Variants in TRIM25 observed in about 807,000 individuals in gnomAD.
TRIM25 encodes the protein E3 ubiquitin/ISG15 ligase TRIM25.
A neutral mutation model predicts 65.2 loss-of-function variants in TRIM25; 45 were observed. That is an observed-to-expected ratio of 0.69 (90% CI 0.54 to 0.89). TRIM25 has a LOEUF of 0.89. TRIM25 is among the 40% of genes least tolerant of loss of function. The pLI is 0.00. For synonymous variants in TRIM25, 321 were observed against 340.4 expected, an observed-to-expected ratio of 0.94 and a Z score of 0.63; for missense variants, 714 against 803.7, an observed-to-expected ratio of 0.89 and a Z score of 1.35.
In TRIM25 at chr17:56,891,566, C is replaced by A; in HGVS notation, c.*134G>T. On this transcript the variant is annotated 3_prime_UTR_variant, in exon 9 of 9. Coordinates refer to ENST00000316881, the MANE Select transcript of TRIM25 (RefSeq NM_005082.5). ...CTGGCTAAATCCCACCTCCCACCCT[C>A]CCGCCAGCTCCCCTCCCATGCTCCC... 10 of 496,578 alleles carry A rather than the reference C, an allele frequency of 2.0e-5. No individual in the cohort carries two copies. The highest frequency in any genetic ancestry group is 3.1e-5 in the Non-Finnish European group (9 of 291,832). 30.8% of individuals were successfully genotyped at this position (496,578 alleles called of 1,614,324 possible).
intron 4 of TRIM25, among the ~76,000 whole-genome samples, chr17:56,899,678 A>G (rs1231712095): frequency 6.6e-6 from 1 of 152,218 alleles, no homozygotes; most frequent in Non-Finnish European, 1.5e-5. Context: ...CCCTTCTGCA[A>G]GGACACTCGG....
intron 2 of TRIM25, 59 bp downstream of exon 2, chr17:56,908,409 G>C (rs758513202): frequency 6.5e-7 from 1 of 1,543,808 alleles, no homozygotes. Context: ...CGCCCATCCC[G>C]CGTGGAAGCT....
intron 8 of TRIM25, among the ~76,000 whole-genome samples, chr17:56,893,521 AT>A (rs1272863133): frequency 6.6e-6 from 1 of 152,180 alleles, no homozygotes; most frequent in Non-Finnish European, 1.5e-5. Context: ...GGACCCACAG[AT>A]CCCCACCAAG....
At chr17:56,901,364 AC>A (rs1422665602) in intron 4 of TRIM25, 54 bp downstream of exon 4, 23 of 1,567,936 alleles carry the variant, frequency 1.5e-5, no homozygotes, top group Middle Eastern at 2.3e-4. Context: ...CATTTAGGGG[AC>A]CCATCGGGTT....
At chr17:56,903,100 T>C (rs1389290939) in intron 3 of TRIM25, among the ~76,000 whole-genome samples, 2 of 152,186 alleles carry the variant, frequency 1.3e-5, no homozygotes, top group Non-Finnish European at 2.9e-5. Context: ...ACCTCTTTTC[T>C]TTATAAATTA....
At chr17:56,896,163 A>G (rs1909288820) in intron 5 of TRIM25, among the ~76,000 whole-genome samples, 1 of 152,232 alleles carries the variant, frequency 6.6e-6, no homozygotes, top group Non-Finnish European at 1.5e-5. Context: ...AATAAGGAGC[A>G]TGAAGGAATT....
chr17:56,910,398 G>A (rs1239497166), intron 1 of TRIM25, among the ~76,000 whole-genome samples: 1 of 152,180 alleles, frequency 6.6e-6, no homozygotes, highest in East Asian at 1.9e-4. Context: ...CTGTGACACT[G>A]CCCTTCGACC....
chr17:56,895,765 T>C, intron 6 of TRIM25, 161 bp from the exon 7 acceptor site: 2 of 1,183,388 alleles, frequency 1.7e-6, no homozygotes, highest in Non-Finnish European at 2.4e-6. Context: ...TCACTTATGC[T>C]TGTCCTCCCC....
chr17:56,895,978 A>G, intron 5 of TRIM25, 26 bp from the exon 6 acceptor site: 6 of 1,609,640 alleles, frequency 3.7e-6, no homozygotes, highest in Non-Finnish European at 5.1e-6. Flanking sequence ...TTCAGATTTA[A>G]TTTCTTTTAA....
chr17:56,902,723 A>G (rs1251666045), intron 3 of TRIM25, among the ~76,000 whole-genome samples: 2 of 152,192 alleles, frequency 1.3e-5, no homozygotes, highest in African/African-American at 4.8e-5. Context: ...CAGGGGGCCC[A>G]TGCTTTAGAC....
Position 56,891,612 on chromosome 17 carries a change from G to T in TRIM25, c.*88C>A, listed in dbSNP as rs1051637543. The T allele has an allele frequency of 1.4e-6, 2 of 1,464,138 alleles. No individual in the cohort carries two copies. The highest frequency in any genetic ancestry group is 2.2e-5 in the Admixed American group (1 of 45,270). The allele number at this position is 1,464,138 out of a possible 1,614,324, so 90.7% of individuals were successfully genotyped here. A position where few individuals can be genotyped will look rare whatever the true frequency, so the allele number is the denominator to read the frequency against. On this transcript the variant is annotated 3_prime_UTR_variant, in exon 9 of 9. Coordinates refer to ENST00000316881, the MANE Select transcript of TRIM25 (RefSeq NM_005082.5). ...CTCCCAATCCTTGGGACCTCTTGGGGAATTATCCAAGGAGAGTTCTGCCTG... is the reference window on the plus strand; with the variant it reads ...CTCCCAATCCTTGGGACCTCTTGGGTAATTATCCAAGGAGAGTTCTGCCTG...
intron 3 of TRIM25, among the ~76,000 whole-genome samples, chr17:56,901,932 C>G (rs1567840519): frequency 6.6e-6 from 1 of 152,184 alleles, no homozygotes; most frequent in Non-Finnish European, 1.5e-5. Flanking sequence ...GCACAGGAAA[C>G]TCAGGACCAC....
At chr17:56,899,588 C>G (rs1182485114) in intron 4 of TRIM25, among the ~76,000 whole-genome samples, 1 of 152,180 alleles carries the variant, frequency 6.6e-6, no homozygotes, top group Non-Finnish European at 1.5e-5. Flanking sequence ...CTCTCCCCTC[C>G]TCCCACATAC....
chr17:56,898,252 C>G (rs1418581004), intron 5 of TRIM25, among the ~76,000 whole-genome samples: 1 of 151,830 alleles, frequency 6.6e-6, no homozygotes, highest in Non-Finnish European at 1.5e-5. Context: ...GGTATATGGA[C>G]ATGTCAGCAG....
intron 1 of TRIM25, among the ~76,000 whole-genome samples, chr17:56,910,786 T>C (rs1909610902): frequency 1.3e-5 from 2 of 152,150 alleles, no homozygotes; most frequent in Non-Finnish European, 2.9e-5. Context: ...GAGTCTCAAG[T>C]CCGACCCCAC....
Position 56,895,909 on chromosome 17 carries a change from A to C in TRIM25, c.1180+17T>G, listed in dbSNP as rs775302272. On this transcript the variant is annotated intron_variant, in intron 6 of 8. Coordinates refer to ENST00000316881, the MANE Select transcript of TRIM25 (RefSeq NM_005082.5). ...GCAGTCTCAAGAAACGAACAGTTGC[A>C]GAAATGCATAACTTACGAGGTTTCT... The C allele has an allele frequency of 6.2e-7, 1 of 1,610,152 alleles. No homozygotes were observed. Among genetic ancestry groups the C allele is most frequent in the Non-Finnish European group, 8.5e-7 (1 of 1,179,066 alleles).
chr17:56,900,096 C>T (rs1909379243), intron 4 of TRIM25, among the ~76,000 whole-genome samples: 1 of 152,104 alleles, frequency 6.6e-6, no homozygotes, highest in South Asian at 2.1e-4. Flanking sequence ...TGCCTGTAAT[C>T]CCAGCTACTC....
chr17:56,913,424 C>A lies in TRIM25; in HGVS notation c.565G>T (p.Ala189Ser). The change falls in exon 1 of 9, where the codon GCG becomes TCG. Residue 189 changes from alanine to serine, a missense_variant. Coordinates refer to ENST00000316881, the MANE Select transcript of TRIM25 (RefSeq NM_005082.5). This position sits in a 1 kb window ranked among gnomAD's most constrained non-coding sequence, Gnocchi z 6.1. ...TCGGCGCTGGCCTGGCTCAGGGACG[C>A]GGGAGAGCAGGTCTTATGCTCCACC... ...CLVEHKTCSP[A>S]SLSQASADLE... The A allele has an allele frequency of 1.3e-6, 2 of 1,589,354 alleles. No homozygotes were observed. The highest frequency in any genetic ancestry group is 1.3e-5 in the African/African-American group (1 of 74,598).
At chr17:56,895,865 C>T (rs1909282530) in intron 6 of TRIM25, 61 bp downstream of exon 6, 9 of 1,589,592 alleles carry the variant, frequency 5.7e-6, no homozygotes, top group Non-Finnish European at 7.7e-6. Flanking sequence ...TCACTACCAG[C>T]ATTTAGTTCT....
Sources: gnomAD v4.1 joint callset for allele counts (sites outside exome capture counted in the v4.1 genomes callset) on GRCh38, gnomAD v4.1.1 for gene constraint, Gnocchi (gnomAD v3.1) non-coding constraint, MANE v1.5 for transcripts, NCBI Gene and HGNC (gene_info 2026-07-23, HGNC 2026-07-21) for gene names.